The following TRAK1 variants were observed in gnomAD, a reference collection of about 807,000 sequenced individuals.
The protein encoded by TRAK1 is trafficking kinesin-binding protein 1.
Under a neutral mutation model 92.1 loss-of-function variants are expected in TRAK1, and 33 were observed. The ratio of observed to expected loss-of-function variants is 0.36; its 90% CI spans 0.27 to 0.48. The LOEUF (loss-of-function observed/expected upper bound fraction) is 0.48. Ranked by LOEUF, TRAK1 falls within the 20% of genes least tolerant of loss-of-function variation. The pLI is 0.99. For synonymous variants in TRAK1, 521 were observed against 517.3 expected, an observed-to-expected ratio of 1.01 and a Z score of -0.10; for missense variants, 1,123 against 1,257.9, an observed-to-expected ratio of 0.89 and a Z score of 1.62.
At chr3:42,183,456 T>C (rs983168200) in intron 3 of TRAK1, among the ~76,000 whole-genome samples, 1 of 150,582 alleles carries the variant, frequency 6.6e-6, no homozygotes, top group Non-Finnish European at 1.5e-5. Context: ...CCCAAGGGGC[T>C]GAGGCAGGAG....
At chr3:42,041,795 T>TC (rs1296716347) in intron 1 of TRAK1, among the ~76,000 whole-genome samples, 1 of 142,228 alleles carries the variant, frequency 7.0e-6, no homozygotes, top group African/African-American at 3.0e-5. Flanking sequence ...GTTTTTTTTT[T>TC]TCTTTTCTTT....
intron 1 of TRAK1, among the ~76,000 whole-genome samples, chr3:42,081,223 A>T (rs1704421705): frequency 6.6e-6 from 1 of 152,150 alleles, no homozygotes. Flanking sequence ...AAAATGAAGT[A>T]AGGTTAAACT....
At chr3:42,172,217 C>T (rs549656712) in intron 2 of TRAK1, among the ~76,000 whole-genome samples, 2 of 152,290 alleles carry the variant, frequency 1.3e-5, no homozygotes, top group African/African-American at 2.4e-5. Flanking sequence ...TGTGGGCAGC[C>T]CTCTGCCTGG....
At chr3:42,105,433 A>C (rs1707397706) in intron 1 of TRAK1, among the ~76,000 whole-genome samples, 1 of 152,246 alleles carries the variant, frequency 6.6e-6, no homozygotes, top group South Asian at 2.1e-4. Context: ...TTGAAGATTA[A>C]GTGAATGAAA....
upstream of TRAK1, among the ~76,000 whole-genome samples, chr3:42,082,656 T>TA (rs533743684): frequency 6.3e-3 from 922 of 145,504 alleles, 4 homozygotes; most frequent in African/African-American, 8.6e-3. Context: ...GAGCCTTTGT[T>TA]AAAAAAAAAA....
At chr3:42,112,074 A>C (rs1273345705) in intron 1 of TRAK1, among the ~76,000 whole-genome samples, 1 of 151,442 alleles carries the variant, frequency 6.6e-6, no homozygotes, top group Non-Finnish European at 1.5e-5. Flanking sequence ...ACTCCAAGGA[A>C]AGTTTGGGAA....
intron 1 of TRAK1, among the ~76,000 whole-genome samples, chr3:42,121,526 T>C (rs947590467): frequency 6.6e-6 from 1 of 152,208 alleles, no homozygotes; most frequent in East Asian, 1.9e-4. Flanking sequence ...CCCAAAGTGC[T>C]GGGATTACAG....
intron 1 of TRAK1, among the ~76,000 whole-genome samples, chr3:42,111,994 A>C (rs1047320555): frequency 4.0e-5 from 6 of 151,570 alleles, no homozygotes; most frequent in African/African-American, 1.5e-4. Context: ...CTGGTTTTCA[A>C]AGCACTTTTC....
chr3:42,189,527 C>CTTTTTCTT (rs1553754220), intron 6 of TRAK1, among the ~76,000 whole-genome samples: 14 of 152,254 alleles, frequency 9.2e-5, no homozygotes, highest in South Asian at 2.1e-4. Flanking sequence ...AGCCATATTT[C>CTTTTTCTT]TTTTTCTTTT....
chr3:42,132,626 G>A (rs1302669204), intron 2 of TRAK1, among the ~76,000 whole-genome samples: 1 of 151,988 alleles, frequency 6.6e-6, no homozygotes, highest in African/African-American at 2.4e-5. Flanking sequence ...GATCCGTGGT[G>A]GATACAGAGG....
At chr3:42,070,254 TATAATTATA>T (rs1169452510) in intron 1 of TRAK1, among the ~76,000 whole-genome samples, 3 of 146,100 alleles carry the variant, frequency 2.1e-5, no homozygotes, top group Non-Finnish European at 4.5e-5. Context: ...TAATAATTAT[TATAATTATA>T]ATAATTATGA....
At chr3:42,022,934 G>T (rs1407356210) in intron 1 of TRAK1, among the ~76,000 whole-genome samples, 1 of 151,802 alleles carries the variant, frequency 6.6e-6, no homozygotes. Flanking sequence ...TGAGGCTGGC[G>T]GATCACGAGG....
Position 42,202,614 on chromosome 3 carries a change from G to GA in TRAK1, c.1606_1607insA (p.Gly536GlufsTer7). On this transcript the variant is annotated frameshift_variant, in exon 13 of 16. Transcript: ENST00000327628. LOFTEE classifies it high-confidence loss of function. This position sits in a 1 kb window ranked among gnomAD's most constrained non-coding sequence, Gnocchi z 6.1. ...GGCGGAGAAGGGCGAGCTGCGCAGC[G>GA]GCTCCCTCACACCCACTGAGAGCAT... 1 of 1,600,034 alleles carries GA rather than the reference G, an allele frequency of 6.2e-7. No homozygotes were observed. The highest frequency in any genetic ancestry group is 8.6e-7 in the Non-Finnish European group (1 of 1,169,020).
At position 42,217,990 on chromosome 3, in the gene TRAK1, C is replaced by T. The variant is rs559994812; in HGVS notation, c.1964-1504C>T. 3.1e-5 allele frequency: 31 copies of T among 985,280 alleles called. No homozygotes were observed. The South Asian group carries it at 1.0e-3, about 33-fold the overall frequency. 61.0% of individuals were successfully genotyped at this position (985,280 alleles called of 1,614,324 possible). On this transcript the variant is annotated intron_variant, in intron 14 of 15. Transcript: ENST00000327628. ...TCCCTCCTGCTTTGCCTGGAGCTCCCCATGGCTGAGAGTTTTCTCCTGTGG... is the reference window on the plus strand; with the variant it reads ...TCCCTCCTGCTTTGCCTGGAGCTCCTCATGGCTGAGAGTTTTCTCCTGTGG...
intron 1 of TRAK1, among the ~76,000 whole-genome samples, chr3:42,093,990 C>T (rs534761912): frequency 3.3e-5 from 5 of 152,164 alleles, no homozygotes; most frequent in East Asian, 1.9e-4. Context: ...AGGCGTGAGC[C>T]GCCGTGCCTG....
chr3:42,221,410 C>T (rs1710334878), intron 15 of TRAK1, among the ~76,000 whole-genome samples: 2 of 152,122 alleles, frequency 1.3e-5, no homozygotes, highest in Admixed American at 6.5e-5. Context: ...TGCTGACCTC[C>T]CAGGGCTGAG....
chr3:42,013,111 G>C (rs1051557781), upstream of TRAK1, among the ~76,000 whole-genome samples: 1 of 152,126 alleles, frequency 6.6e-6, no homozygotes, highest in Non-Finnish European at 1.5e-5. The surrounding 1 kb of genome is among the most constrained non-coding windows in gnomAD (Gnocchi z 5.1). Context: ...CCTCTCTGCT[G>C]TCCGCCAGCC....
At chr3:42,073,234 T>G (rs1272892074) in intron 1 of TRAK1, among the ~76,000 whole-genome samples, 1 of 152,190 alleles carries the variant, frequency 6.6e-6, no homozygotes, top group Non-Finnish European at 1.5e-5. Context: ...TCCTTGACCC[T>G]TTGTCATCTC....
chr3:42,207,123 C>T (rs949092046), intron 13 of TRAK1, among the ~76,000 whole-genome samples: 1 of 152,114 alleles, frequency 6.6e-6, no homozygotes, highest in African/African-American at 2.4e-5. Flanking sequence ...GTGACGTGGC[C>T]ATATTGTACA....
Sources: allele counts gnomAD v4.1 joint callset (sites outside exome capture counted in the v4.1 genomes callset), GRCh38; gene constraint gnomAD v4.1.1; non-coding constraint Gnocchi (gnomAD v3.1); transcripts MANE v1.5; gene names NCBI Gene and HGNC (gene_info 2026-07-23, HGNC 2026-07-21).